The following ABCA13 variants were observed in gnomAD, a reference collection of about 807,000 sequenced individuals.
ABCA13 encodes ATP binding cassette subfamily A member 13.
ABCA13 carries 476 observed loss-of-function variants against 478.7 expected under a neutral mutation model. That is an observed-to-expected ratio of 0.99 (90% CI 0.92 to 1.07). ABCA13 has a LOEUF of 1.07. Among genes scored for constraint, ABCA13 ranks in the 50% least tolerant of loss-of-function variants. The pLI is 0.00. For missense variants in ABCA13, 6,060 were observed against 5,910.6 expected (o/e 1.03, Z -0.83); for synonymous variants, 2,252 against 2,158.9 (o/e 1.04, Z -1.20).
Position 48,274,027 on chromosome 7 carries a change from C to A in ABCA13, c.4361C>A (p.Ser1454Ter). The A allele has an allele frequency of 6.2e-7, 1 of 1,605,956 alleles. No individual in the cohort carries two copies. The highest frequency in any genetic ancestry group is 1.1e-5 in the South Asian group (1 of 90,456). ...IKKPLCSSNG[S>*]HINCVNIYLK... ...AAACCTCTTTGTTCATCAAATGGCT[C>A]ACATATAAATTGTGTCAATATTTAC... Residue 1454 changes from serine (S) to a stop codon, truncating the protein, a stop_gained, in exon 17 of 62, where the codon TCA (serine) becomes TAA (stop). Coordinates refer to ENST00000435803, the MANE Select transcript of ABCA13 (RefSeq NM_152701.5). LOFTEE classifies it high-confidence loss of function.
Position 48,273,880 on chromosome 7 carries a change from A to G in ABCA13, c.4214A>G (p.Tyr1405Cys). ...TGGTTAGATGTCATAAACCATTTGT[A>G]TTTGTTGTCTAACTCCAGTTTTTCA... The part of the protein sequence containing the change: ...IVWLDVINHL[Y>C]LLSNSSFSQG... The change falls in exon 17 of 62, where the codon TAT (tyrosine) becomes TGT (cysteine). Residue 1405 changes from tyrosine (Y) to cysteine (C), a missense_variant. Tyr to Cys is a radical substitution (Grantham distance 194). Around this residue, in one of 3 missense-constraint regions of ABCA13, gnomAD observed 4,423 missense variants for 4,309.1 expected, o/e 1.03. Transcript: ENST00000435803. 1 of 1,612,768 alleles carries G rather than the reference A, an allele frequency of 6.2e-7. No individual in the cohort carries two copies. The highest frequency in any genetic ancestry group is 8.5e-7 in the Non-Finnish European group (1 of 1,179,218).
At chr7:48,277,587 T>C (rs1173624854) in intron 17 of ABCA13, among the ~76,000 whole-genome samples, 1 of 152,194 alleles carries the variant, frequency 6.6e-6, no homozygotes, top group Admixed American at 6.5e-5. Context: ...AGAACTCTCA[T>C]GAGAGAATCT....
At chr7:48,353,991 A>G (rs1000256598) in intron 31 of ABCA13, among the ~76,000 whole-genome samples, 1 of 152,024 alleles carries the variant, frequency 6.6e-6, no homozygotes, top group Non-Finnish European at 1.5e-5. Flanking sequence ...CTCCTAAAGC[A>G]TGTTTCTTGG....
chr7:48,270,411 C>G (rs1302782723), intron 16 of ABCA13, among the ~76,000 whole-genome samples: 1 of 152,076 alleles, frequency 6.6e-6, no homozygotes, highest in Non-Finnish European at 1.5e-5. Flanking sequence ...AGTACTACTT[C>G]TACTTCAATT....
chr7:48,415,231 G>A (rs1819814252), intron 41 of ABCA13, among the ~76,000 whole-genome samples: 2 of 152,198 alleles, frequency 1.3e-5, no homozygotes, highest in South Asian at 4.1e-4. Flanking sequence ...GCTGGCATGA[G>A]TCAGTTTCCC....
intron 58 of ABCA13, among the ~76,000 whole-genome samples, chr7:48,609,444 G>GT (rs1252071905): frequency 1.3e-5 from 2 of 152,108 alleles, no homozygotes; most frequent in Admixed American, 1.3e-4. Flanking sequence ...TTGAAAAAAA[G>GT]TCTCGTATTG....
chr7:48,271,121 AAC>A (rs1309681510), intron 16 of ABCA13, among the ~76,000 whole-genome samples: 1 of 152,174 alleles, frequency 6.6e-6, no homozygotes, highest in Non-Finnish European at 1.5e-5. Context: ...TGAATTCTGA[AAC>A]ACATGTAACC....
intron 26 of ABCA13, among the ~76,000 whole-genome samples, chr7:48,315,379 G>GCTC (rs758751183): frequency 2.0e-5 from 3 of 151,986 alleles, no homozygotes; most frequent in Non-Finnish European, 4.4e-5. Context: ...CAATAAAATT[G>GCTC]CTCCTGTTCA....
At chr7:48,455,366 AT>A (rs1422661748) in intron 43 of ABCA13, 80 bp downstream of exon 43, 1 of 1,457,420 alleles carries the variant, frequency 6.9e-7, no homozygotes, top group Non-Finnish European at 9.2e-7. Flanking sequence ...ACTTTTGAGA[AT>A]TCTAGATAAA....
chr7:48,523,284 A>G (rs1447690542), intron 53 of ABCA13, among the ~76,000 whole-genome samples: 1 of 152,166 alleles, frequency 6.6e-6, no homozygotes, highest in African/African-American at 2.4e-5. Context: ...ATATTGTCAA[A>G]TGGTGATTTT....
chr7:48,225,435 A>C (rs955245801), intron 5 of ABCA13, among the ~76,000 whole-genome samples: 2 of 152,186 alleles, frequency 1.3e-5, no homozygotes, highest in Non-Finnish European at 2.9e-5. Context: ...TAACCACAGT[A>C]CAATTATTAG....
chr7:48,457,089 A>C (rs1317691308), intron 43 of ABCA13, among the ~76,000 whole-genome samples: 1 of 152,104 alleles, frequency 6.6e-6, no homozygotes, highest in African/African-American at 2.4e-5. Flanking sequence ...ATTAGAACAA[A>C]CCAAAACCCC....
At chr7:48,322,742 G>C (rs765661821) in intron 27 of ABCA13, among the ~76,000 whole-genome samples, 1 of 152,196 alleles carries the variant, frequency 6.6e-6, no homozygotes, top group Non-Finnish European at 1.5e-5. Flanking sequence ...AATTAACATA[G>C]AGTAAGTTCG....
Position 48,274,243 on chromosome 7 carries a change from T to C in ABCA13, c.4577T>C (p.Ile1526Thr). ...QSNWRYFTEL[I>T]LRPIEMSDEI... ...AATTGGAGATATTTTACTGAATTAA[T>C]TCTAAGACCAATAGAAATGTCAGAT... is the stretch of plus-strand genomic sequence containing the variant. The change falls in exon 17 of 62, where the codon ATT becomes ACT. Residue 1526 changes from isoleucine (I) to threonine (T), a missense_variant. Ile to Thr is a moderately conservative substitution (Grantham distance 89, BLOSUM62 -1). Transcript: ENST00000435803. The C allele has an allele frequency of 1.9e-6, 3 of 1,613,146 alleles. No homozygotes were observed. The highest frequency in any genetic ancestry group is 2.5e-6 in the Non-Finnish European group (3 of 1,179,596).
At chr7:48,258,511 C>T (rs1323613461) in intron 15 of ABCA13, among the ~76,000 whole-genome samples, 1 of 151,988 alleles carries the variant, frequency 6.6e-6, no homozygotes, top group Non-Finnish European at 1.5e-5. Context: ...GTCTATCAAT[C>T]TTATTTATTC....
chr7:48,237,006 G>A (rs983180515), intron 8 of ABCA13, among the ~76,000 whole-genome samples: 2 of 142,120 alleles, frequency 1.4e-5, no homozygotes, highest in South Asian at 4.5e-4. Context: ...GAACTCAGAG[G>A]GTAGGGTTTT....
At chr7:48,399,861 A>G (rs1817352180) in intron 38 of ABCA13, among the ~76,000 whole-genome samples, 1 of 152,198 alleles carries the variant, frequency 6.6e-6, no homozygotes, top group Non-Finnish European at 1.5e-5. Flanking sequence ...ATGGAGACCC[A>G]GTGAAGGAAA....
intron 48 of ABCA13, among the ~76,000 whole-genome samples, chr7:48,504,602 T>C (rs1243492609): frequency 6.6e-6 from 1 of 152,160 alleles, no homozygotes; most frequent in African/African-American, 2.4e-5. Flanking sequence ...TCAAATAATA[T>C]AATTCCAAGA....
intron 23 of ABCA13, among the ~76,000 whole-genome samples, chr7:48,306,888 T>A (rs1800980660): frequency 6.6e-6 from 1 of 152,240 alleles, no homozygotes; most frequent in Non-Finnish European, 1.5e-5. Flanking sequence ...TCAGTAGACT[T>A]TGAGTAAAGA....
Sources: allele counts gnomAD v4.1 joint callset (sites outside exome capture counted in the v4.1 genomes callset), GRCh38; gene constraint gnomAD v4.1.1; regional missense constraint gnomAD v4.1.1; transcripts MANE v1.5; gene names NCBI Gene and HGNC (gene_info 2026-07-23, HGNC 2026-07-21).